ANKRD33B: variants seen among roughly 807,000 people sequenced by gnomAD.
The protein encoded by ANKRD33B is ankyrin repeat domain-containing protein 33B.
Under a neutral mutation model 21.5 loss-of-function variants are expected in ANKRD33B, and 6 were observed. The observed-to-expected ratio is 0.28, with a 90% CI of 0.15 to 0.55. The LOEUF (loss-of-function observed/expected upper bound fraction) is 0.55. ANKRD33B is among the 20% of genes least tolerant of loss of function. The probability of loss-of-function intolerance (pLI) is 0.94; values close to 1 mark genes in which losing one functional copy is unlikely to be tolerated. For missense variants in ANKRD33B, 698 were observed against 747.2 expected (o/e 0.93, Z 0.77); for synonymous variants, 347 against 342.4 (o/e 1.01, Z -0.15).
rs185973776 is a variant in ANKRD33B, at chr5:10,649,513, C to T, written c.885C>T (p.Ser295=). The T allele has an allele frequency of 8.2e-3, 12,571 of 1,533,928 alleles. 81 individuals are homozygous for T. Among genetic ancestry groups the T allele is most frequent in the Middle Eastern group, 0.026 (142 of 5,522 alleles). Residue 295 remains serine, a synonymous_variant, in exon 4 of 4, where the codon TCC becomes TCT. Transcript: ENST00000296657. ...TGCTGTCCGTGCTGACGCCGCGCTCCGTGCGGGGCCCGGAGGACGGGGGCG... is the reference window on the plus strand; with the variant it reads ...TGCTGTCCGTGCTGACGCCGCGCTCTGTGCGGGGCCCGGAGGACGGGGGCG... ...DCVLSVLTPR[S]VRGPEDGGVL...
rs1291213754 is a variant in ANKRD33B at position 10,621,243 on chromosome 5, T to C, written c.496+2781T>C. On this transcript the variant is annotated intron_variant, in intron 2 of 3. Transcript: ENST00000296657. The stretch of plus-strand genomic sequence containing the variant: ...GTCCCTGTCTGTAACCAGCTGTATC[T>C]TCAAGGAATGATAGTTCTTTTTTTA... 8.5e-5 allele frequency among the ~76,000 whole-genome samples: 13 copies of C among 152,230 alleles called. 1 individual carries two copies. The highest frequency in any genetic ancestry group is 8.5e-4 in the Admixed American group (13 of 15,278).
intron 2 of ANKRD33B, among the ~76,000 whole-genome samples, chr5:10,622,672 T>C (rs1334321418): frequency 1.3e-5 from 2 of 152,188 alleles, no homozygotes; most frequent in South Asian, 4.1e-4. Context: ...TCCTAGGCAC[T>C]AGACAACCGG....
At chr5:10,572,625 G>T (rs914190069) in intron 1 of ANKRD33B, among the ~76,000 whole-genome samples, 1 of 152,178 alleles carries the variant, frequency 6.6e-6, no homozygotes, top group African/African-American at 2.4e-5. Flanking sequence ...TGCCCATGCC[G>T]CAGCGTTAGT....
At position 10,618,302 on chromosome 5, in the gene ANKRD33B, C is replaced by T. The variant is rs1199107240; in HGVS notation, c.367-31C>T. On this transcript the variant is annotated intron_variant, in intron 1 of 3. Transcript: ENST00000296657. ...TGACCCACCATGCTCCGACTCTGCC[C>T]CTCTGACCCGCTTCCCCTCTTCATT... 4 of 1,535,950 alleles carry T rather than the reference C, an allele frequency of 2.6e-6. No homozygotes were observed. The South Asian group carries it at 3.6e-5, about 14-fold the overall frequency.
intron 2 of ANKRD33B, among the ~76,000 whole-genome samples, chr5:10,620,344 C>T (rs959734693): frequency 5.3e-5 from 8 of 152,032 alleles, no homozygotes; most frequent in Non-Finnish European, 7.4e-5. Flanking sequence ...ATGGGAGGAA[C>T]ATTGGTTTTG....
intron 1 of ANKRD33B, among the ~76,000 whole-genome samples, chr5:10,570,508 CTTG>C (rs1735157534): frequency 6.6e-6 from 1 of 151,144 alleles, no homozygotes; most frequent in Non-Finnish European, 1.5e-5. Flanking sequence ...GATGCTTCAG[CTTG>C]GCTGAAGCAT....
intron 1 of ANKRD33B, among the ~76,000 whole-genome samples, chr5:10,571,491 C>T (rs2962319): frequency 0.79 from 120,585 of 152,120 alleles, 47,912 homozygotes; most frequent in East Asian, 0.88. Flanking sequence ...CCTGTGCCAC[C>T]GCCCCTGGCC....
intron 1 of ANKRD33B, among the ~76,000 whole-genome samples, chr5:10,567,186 G>C (rs569543344): frequency 3.3e-5 from 5 of 152,276 alleles, no homozygotes; most frequent in South Asian, 2.1e-4. Context: ...GAGGCCAGTG[G>C]GGGGAGCGAG....
At chr5:10,597,662 A>T (rs974662024) in intron 1 of ANKRD33B, among the ~76,000 whole-genome samples, 1 of 152,178 alleles carries the variant, frequency 6.6e-6, no homozygotes, top group South Asian at 2.1e-4. Context: ...TCAGGACCTG[A>T]ACTCAGCTCT....
chr5:10,579,705 A>AT (rs1735402934), intron 1 of ANKRD33B, among the ~76,000 whole-genome samples: 1 of 152,024 alleles, frequency 6.6e-6, no homozygotes, highest in African/African-American at 2.4e-5. Flanking sequence ...CTAGGAACAG[A>AT]ATTTTTTTTT....
At chr5:10,616,564 CA>C (rs56895208) in intron 1 of ANKRD33B, among the ~76,000 whole-genome samples, 3 of 117,578 alleles carry the variant, frequency 2.6e-5, no homozygotes, top group Admixed American at 8.9e-5. Flanking sequence ...AACTCTGTCT[CA>C]AAAAAAAAAA....
intron 3 of ANKRD33B, among the ~76,000 whole-genome samples, 178 bp from the exon 4 acceptor site, chr5:10,649,088 C>T (rs775733773): frequency 8.2e-6 from 1 of 121,502 alleles, no homozygotes; most frequent in Non-Finnish European, 1.8e-5. Flanking sequence ...ACTCCAGGCC[C>T]GCCTTCCGGC....
In ANKRD33B at chr5:10,650,188, C is replaced by T. The variant is rs553793040; in HGVS notation, c.*75C>T. 3.6e-6 allele frequency: 5 copies of T among 1,372,702 alleles called. No homozygotes were observed. Among genetic ancestry groups the T allele is most frequent in the East Asian group, 2.8e-5 (1 of 35,258 alleles). 85.0% of individuals were successfully genotyped at this position (1,372,702 alleles called of 1,614,324 possible). A position where few individuals can be genotyped will look rare whatever the true frequency, so the allele number is the denominator to read the frequency against. On this transcript the variant is annotated 3_prime_UTR_variant, in exon 4 of 4. Transcript: ENST00000296657. Reference sequence around the variant, plus strand: ...GCAGGGCTGGGCGCGGAGAAGGAGGCGGCCCCGTTGCGCATCGCACCACTT... The same window carrying T: ...GCAGGGCTGGGCGCGGAGAAGGAGGTGGCCCCGTTGCGCATCGCACCACTT...
chr5:10,566,215 G>A lies in ANKRD33B; in HGVS notation c.366+1382G>A, dbSNP rs1252779371. On this transcript the variant is annotated intron_variant, in intron 1 of 3. Transcript: ENST00000296657. The stretch of plus-strand genomic sequence containing the variant: ...CAGTGAGACCTGAGGTGGCGTCCCC[G>A]TAGGTAGCATCACCTGGAGCCCTGT... Among the ~76,000 whole-genome samples the A allele has an allele frequency of 3.9e-5, 6 of 152,300 alleles. No homozygotes were observed. The South Asian group carries it at 6.2e-4, about 16-fold the overall frequency.
intron 1 of ANKRD33B, among the ~76,000 whole-genome samples, chr5:10,603,846 A>G (rs1560970703): frequency 1.3e-5 from 2 of 152,158 alleles, no homozygotes; most frequent in South Asian, 2.1e-4. Context: ...AGATTATACC[A>G]TAGAAAAATG....
chr5:10,620,224 C>T lies in ANKRD33B; in HGVS notation c.496+1762C>T, dbSNP rs142131676. Among the ~76,000 whole-genome samples the T allele has an allele frequency of 3.6e-4, 55 of 151,946 alleles. 1 individual carries two copies. Among genetic ancestry groups the T allele is most frequent in the African/African-American group, 1.3e-3 (52 of 41,438 alleles). ...GCTGTGTGGCTAGAAACACAGTTGG[C>T]GGTGGTGGTGATGCGGGCCATGGAG... On this transcript the variant is annotated intron_variant, in intron 2 of 3. Coordinates refer to ENST00000296657, the MANE Select transcript of ANKRD33B (RefSeq NM_001164440.2).
rs1737470607 is a variant in ANKRD33B, at chr5:10,655,628, C to G, written c.*5515C>G. On this transcript the variant is annotated 3_prime_UTR_variant, in exon 4 of 4. Coordinates refer to ENST00000296657, the MANE Select transcript of ANKRD33B (RefSeq NM_001164440.2). ...GCTGTTCCTGCGGTGGTCAGAGTCCCCCTGTGCTGTGTCAGCTCCTGGACA... is the reference window on the plus strand; with the variant it reads ...GCTGTTCCTGCGGTGGTCAGAGTCCGCCTGTGCTGTGTCAGCTCCTGGACA... 1 of 152,372 alleles carries G rather than the reference C, an allele frequency of 6.6e-6. No homozygotes were observed. Among genetic ancestry groups the G allele is most frequent in the African/African-American group, 2.4e-5 (1 of 41,442 alleles). The allele number at this position is 152,372 out of a possible 1,614,324, so 9.4% of individuals were successfully genotyped here. A position where few individuals can be genotyped will look rare whatever the true frequency, so the allele number is the denominator to read the frequency against.
Position 10,596,827 on chromosome 5 carries a change from C to T in ANKRD33B, c.367-21506C>T, listed in dbSNP as rs542440718. ...GCCAGGTTACCCACAAAGAGAATCC[C>T]GTCAGACTAACAGTGGACCTCTCAG... On this transcript the variant is annotated intron_variant, in intron 1 of 3. Coordinates refer to ENST00000296657, the MANE Select transcript of ANKRD33B (RefSeq NM_001164440.2). 5.3e-5 allele frequency among the ~76,000 whole-genome samples: 8 copies of T among 152,252 alleles called. No homozygotes were observed. The East Asian group carries it at 7.7e-4, about 15-fold the overall frequency.
chr5:10,643,918 T>C (rs1214930432), intron 3 of ANKRD33B, among the ~76,000 whole-genome samples: 2 of 151,854 alleles, frequency 1.3e-5, no homozygotes, highest in African/African-American at 2.4e-5. Context: ...TTACGGAATA[T>C]TTTCATCTTC....
Sources: gnomAD v4.1 joint callset for allele counts (sites outside exome capture counted in the v4.1 genomes callset) on GRCh38, gnomAD v4.1.1 for gene constraint, MANE v1.5 for transcripts, NCBI Gene and HGNC (gene_info 2026-07-23, HGNC 2026-07-21) for gene names.